The following ABCB6 variants were observed in gnomAD, a reference collection of about 807,000 sequenced individuals.
The protein encoded by ABCB6 is ATP-binding cassette sub-family B member 6.
Under a neutral mutation model 99.4 loss-of-function variants are expected in ABCB6, and 87 were observed. The ratio of observed to expected loss-of-function variants is 0.88; its 90% confidence interval spans 0.74 to 1.05. ABCB6 has a LOEUF of 1.05. Ranked by LOEUF, ABCB6 falls within the 50% of genes least tolerant of loss-of-function variation. ABCB6 has a pLI of 0.00. For missense variants in ABCB6, 1,050 were observed against 1,097.9 expected, an observed-to-expected ratio of 0.96 and a Z score of 0.62; for synonymous variants, 482 against 447.5, an observed-to-expected ratio of 1.08 and a Z score of -0.97.
rs1354697540 is a variant in ABCB6, at chr2:219,216,316, T to TG, written c.970+47dup. 1 of 1,594,860 alleles carries TG rather than the reference T, an allele frequency of 6.3e-7. No individual in the cohort carries two copies. The highest frequency in any genetic ancestry group is 1.3e-5 in the African/African-American group (1 of 74,496). ...GAGAGGCGGATGCTGAGGGAATGCC[T>TG]GTGGGAGGGACCTATACCTAGCAGG... On this transcript the variant is annotated intron_variant, in intron 4 of 18. Transcript: ENST00000265316. The surrounding 1 kb of genome is among the most constrained non-coding windows in gnomAD (Gnocchi z 4.2).
chr2:219,211,177 G>C, intron 14 of ABCB6, 69 bp from the exon 15 acceptor site: 1 of 1,564,546 alleles, frequency 6.4e-7, no homozygotes, highest in Non-Finnish European at 8.7e-7. Context: ...GGGTGGGCTG[G>C]CCGGAAGCAC....
Position 219,210,340 on chromosome 2 carries a change from C to T in ABCB6, c.2351+41G>A, listed in dbSNP as rs13395680. 513 of 1,614,142 alleles carry T rather than the reference C, an allele frequency of 3.2e-4. 1 individual carries two copies. In the African/African-American group the frequency reaches 5.5e-3, roughly 17 times the overall value. On this transcript the variant is annotated intron_variant, in intron 17 of 18. Coordinates refer to ENST00000265316, the MANE Select transcript of ABCB6 (RefSeq NM_005689.4). ...CAGTCGCCTACTACCCCACCCAAAG[C>T]GGGCCACATCACCAGCCGCCCCAGG...
Position 219,218,688 on chromosome 2 carries a change from G to A in ABCB6, c.-15C>T. The A allele has an allele frequency of 6.5e-7, 1 of 1,528,512 alleles. No individual in the cohort carries two copies. Among genetic ancestry groups the A allele is most frequent in the Non-Finnish European group, 8.8e-7 (1 of 1,136,568 alleles). 94.7% of individuals were successfully genotyped at this position (1,528,512 alleles called of 1,614,324 possible). On this transcript the variant is annotated 5_prime_UTR_variant, in exon 1 of 19. Transcript: ENST00000265316. Reference sequence around the variant, plus strand: ...ACAGTCACCATGGCAATGCGTGGACGCCGGCCGAGGCTGCGGGCACTGCGG... The same window carrying A: ...ACAGTCACCATGGCAATGCGTGGACACCGGCCGAGGCTGCGGGCACTGCGG...
In ABCB6 at chr2:219,210,214, T is replaced by A. The variant is rs1389537861; in HGVS notation, c.2420+16A>T. 6.2e-7 allele frequency: 1 copy of A among 1,614,094 alleles called. No homozygotes were observed. The highest frequency in any genetic ancestry group is 8.5e-7 in the Non-Finnish European group (1 of 1,179,992). On this transcript the variant is annotated intron_variant, in intron 18 of 18. Coordinates refer to ENST00000265316, the MANE Select transcript of ABCB6 (RefSeq NM_005689.4). The stretch of plus-strand genomic sequence containing the variant: ...CAATTCAGAAGACCTGTCCTTTTGA[T>A]CTATGTGTCTCTTACCGTCCCCTCT...
At chr2:219,213,989 A>G (rs763747092) in intron 8 of ABCB6, 38 bp from the exon 9 acceptor site, 1 of 1,613,238 alleles carries the variant, frequency 6.2e-7, no homozygotes, top group Admixed American at 1.7e-5. Flanking sequence ...TGTCCTATAC[A>G]CAATGGCCAT....
Position 219,210,227 on chromosome 2 carries a change from T to C in ABCB6, c.2420+3A>G. The C allele has an allele frequency of 6.2e-7, 1 of 1,614,176 alleles. No homozygotes were observed. Among genetic ancestry groups the C allele is most frequent in the Non-Finnish European group, 8.5e-7 (1 of 1,180,042 alleles). ...CTGTCCTTTTGATCTATGTGTCTCT[T>C]ACCGTCCCCTCTCCACGATGCAGCC... On this transcript the variant is annotated splice_donor_region_variant and intron_variant, in intron 18 of 18. Transcript: ENST00000265316.
In ABCB6 at chr2:219,210,744, G is replaced by A. The variant is rs1429765617; in HGVS notation, c.2223C>T (p.Ile741=). The change falls in exon 16 of 19, where the codon ATC becomes ATT. Residue 741 remains isoleucine (I), a synonymous_variant. Transcript: ENST00000265316. ...EKQRVAIART[I]LKAPGIILLD... ...GCAGAATGATGCCCGGAGCCTTGAG[G>A]ATGGTGCGGGCAATGGCGACGCGCT... 1.2e-6 allele frequency: 2 copies of A among 1,613,640 alleles called. No homozygotes were observed. Among genetic ancestry groups the A allele is most frequent in the Non-Finnish European group, 1.7e-6 (2 of 1,180,022 alleles).
rs752219177 is a variant in ABCB6 at position 219,216,032 on chromosome 2, C to T, written c.1119G>A (p.Ala373=). 3.2e-5 allele frequency: 52 copies of T among 1,601,672 alleles called. No individual in the cohort carries two copies. The highest frequency in any genetic ancestry group is 3.0e-4 in the Admixed American group (18 of 59,442). ...GRRTGEVLRI[A]DRGTSSVTGL... is the part of the protein sequence containing the mutation. ...CTGTGACACTGGATGTGCCCCGATC[C>T]GCGATCCGCAGCACCTCCCCTGTGC... The change falls in exon 5 of 19, where the codon GCG becomes GCA. Residue 373 remains alanine (A), a synonymous_variant. Coordinates refer to ENST00000265316, the MANE Select transcript of ABCB6 (RefSeq NM_005689.4). The surrounding 1 kb of genome is among the most constrained non-coding windows in gnomAD (Gnocchi z 4.2).
chr2:219,211,044 T>G lies in ABCB6; in HGVS notation c.2033A>C (p.Asp678Ala), dbSNP rs1950572140. 1 of 1,614,104 alleles carries G rather than the reference T, an allele frequency of 6.2e-7. No homozygotes were observed. The highest frequency in any genetic ancestry group is 1.3e-5 in the African/African-American group (1 of 75,012). Residue 678 changes from aspartate (D) to alanine (A), a missense_variant, in exon 15 of 19, where the codon GAC becomes GCC. Physicochemically the swap from Asp to Ala is moderately radical, Grantham distance 126. Transcript: ENST00000265316. ...VVPQDTVLFN[D>A]TIADNIRYGR... ...GTAACGGATATTGTCGGCGATGGTG[T>G]CATTAAAGAGGACAGTGTCTTGGGG...
rs1312045553 is a variant in ABCB6, at chr2:219,215,237, C to CAT, written c.1155-157_1155-156dup. ...TCAAGAGGTGGGTGGCTAAATCAAC[C>CAT]ATGCTCAAACTACAGAATTCTCTGT... On this transcript the variant is annotated intron_variant, in intron 5 of 18. Transcript: ENST00000265316. 3 of 832,858 alleles carry CAT rather than the reference C, an allele frequency of 3.6e-6. No homozygotes were observed. In the Admixed American group the frequency reaches 8.8e-5, roughly 24 times the overall value. 51.6% of individuals were successfully genotyped at this position (832,858 alleles called of 1,614,324 possible).
rs1950554485 is a variant in ABCB6, at chr2:219,210,009, C to G, written c.2458G>C (p.Asp820His). The G allele has an allele frequency of 1.9e-6, 3 of 1,614,160 alleles. No individual in the cohort carries two copies. The highest frequency in any genetic ancestry group is 2.5e-6 in the Non-Finnish European group (3 of 1,180,034). ...ALLSRGGVYA[D>H]MWQLQQGQEE... ...TGTCCCTGCTGCAGCTGCCACATGT[C>G]AGCATACACCCCACCTCGGGACAAC... Residue 820 changes from aspartate to histidine, a missense_variant, in exon 19 of 19, where the codon GAC becomes CAC. Coordinates refer to ENST00000265316, the MANE Select transcript of ABCB6 (RefSeq NM_005689.4).
In ABCB6 at chr2:219,210,006, TG is replaced by T; in HGVS notation, c.2460del (p.Asp820GlufsTer?). ...TCCTGTCCCTGCTGCAGCTGCCACA[TG>T]TCAGCATACACCCCACCTCGGGACA... is the stretch of plus-strand genomic sequence containing the variant. ...ALLSRGGVYA[D>X]MWQLQQGQEE... On this transcript the variant is annotated frameshift_variant, in exon 19 of 19. Coordinates refer to ENST00000265316, the MANE Select transcript of ABCB6 (RefSeq NM_005689.4). LOFTEE classifies it high-confidence loss of function. 2 of 1,614,138 alleles carry T rather than the reference TG, an allele frequency of 1.2e-6. No homozygotes were observed. The highest frequency in any genetic ancestry group is 2.2e-5 in the South Asian group (2 of 91,082).
chr2:219,213,446 T>A lies in ABCB6; in HGVS notation c.1712A>T (p.Glu571Val). Residue 571 changes from glutamate to valine, a missense_variant, in exon 11 of 19, where the codon GAG becomes GTG. Glu to Val is a moderately radical substitution (Grantham distance 121, BLOSUM62 -2). Coordinates refer to ENST00000265316, the MANE Select transcript of ABCB6 (RefSeq NM_005689.4). ...MENMFDLLKE[E>V]TEVKDLPGAG... Reference sequence around the variant, plus strand: ...TCCTCTCCCTTCGCTCACTTCTGTCTCCTCTTTCAGCAAGTCAAACATGTT... The same window carrying A: ...TCCTCTCCCTTCGCTCACTTCTGTCACCTCTTTCAGCAAGTCAAACATGTT... 1 of 1,614,198 alleles carries A rather than the reference T, an allele frequency of 6.2e-7. No homozygotes were observed. Among genetic ancestry groups the A allele is most frequent in the Non-Finnish European group, 8.5e-7 (1 of 1,180,034 alleles).
At chr2:219,217,125 G>A (rs1297524402) in intron 2 of ABCB6, among the ~76,000 whole-genome samples, 2 of 152,172 alleles carry the variant, frequency 1.3e-5, no homozygotes, top group South Asian at 2.1e-4. Context: ...TTGGGAGTCC[G>A]AGGCAGGTGG....
rs190528998 is a variant in ABCB6 at position 219,216,781 on chromosome 2, G to T, written c.739C>A (p.Arg247Ser). Residue 247 changes from arginine to serine, a missense_variant, in exon 3 of 19, where the codon CGC becomes AGC. Arg to Ser is a moderately radical substitution (Grantham distance 110, BLOSUM62 -1). Coordinates refer to ENST00000265316, the MANE Select transcript of ABCB6 (RefSeq NM_005689.4). The surrounding 1 kb of genome is among the most constrained non-coding windows in gnomAD (Gnocchi z 4.2). Reference protein sequence around the residue: ...STWRDFGRKLRLLSGYLWPRG... With the variant: ...STWRDFGRKLSLLSGYLWPRG... ...GGCCACAGGTAGCCACTCAGGAGGC[G>T]GAGCTTCCTGCCAAAATCTCGCCAG... is the stretch of plus-strand genomic sequence containing the variant. 6.2e-7 allele frequency: 1 copy of T among 1,612,434 alleles called. No homozygotes were observed. The highest frequency in any genetic ancestry group is 1.3e-5 in the African/African-American group (1 of 74,864).
At position 219,211,124 on chromosome 2, in the gene ABCB6, C is replaced by T. The variant is rs764229023; in HGVS notation, c.1969-16G>A. 5.6e-6 allele frequency: 9 copies of T among 1,613,528 alleles called. 1 individual carries two copies. The South Asian group carries it at 9.9e-5, about 18-fold the overall frequency. Reference sequence around the variant, plus strand: ...CCTGGGTCACCTAGGGCCAAAAGACCACACACTCTGCCTTATGAGATACCC... The same window carrying T: ...CCTGGGTCACCTAGGGCCAAAAGACTACACACTCTGCCTTATGAGATACCC... On this transcript the variant is annotated splice_polypyrimidine_tract_variant and intron_variant, in intron 14 of 18. Transcript: ENST00000265316.
At chr2:219,217,915 A>T in intron 1 of ABCB6, 108 bp from the exon 2 acceptor site, 2 of 1,332,494 alleles carry the variant, frequency 1.5e-6, no homozygotes, top group Non-Finnish European at 2.0e-6. Flanking sequence ...CAGCACTTAC[A>T]GGCTTAAAAA....
rs762440347 is a variant in ABCB6 at position 219,210,955 on chromosome 2, C to A, written c.2122G>T (p.Ala708Ser). 3 of 1,614,196 alleles carry A rather than the reference C, an allele frequency of 1.9e-6. No individual in the cohort carries two copies. Among genetic ancestry groups the A allele is most frequent in the Non-Finnish European group, 1.7e-6 (2 of 1,180,028 alleles). Residue 708 changes from alanine (A) to serine (S), a missense_variant, in exon 15 of 19, where the codon GCC (alanine) becomes TCC (serine). Coordinates refer to ENST00000265316, the MANE Select transcript of ABCB6 (RefSeq NM_005689.4). ...AAAQAAGIHD[A>S]IMAFPEGYRT... The stretch of plus-strand genomic sequence containing the variant: ...TCACCTTCAGGGAAAGCCATAATGG[C>A]ATCATGGATGCCTGCAGCCTGAGCA...
chr2:219,214,870 C>T (rs529626814), intron 6 of ABCB6, 91 bp downstream of exon 6: 20 of 1,513,046 alleles, frequency 1.3e-5, no homozygotes, highest in Admixed American at 1.7e-5. Flanking sequence ...CCACAGCCTC[C>T]CATAGGTGGG....
Sources: allele counts gnomAD v4.1 joint callset (sites outside exome capture counted in the v4.1 genomes callset), GRCh38; gene constraint gnomAD v4.1.1; non-coding constraint Gnocchi (gnomAD v3.1); transcripts MANE v1.5; gene names NCBI Gene and HGNC (gene_info 2026-07-23, HGNC 2026-07-21).